FOXP2: variants seen among roughly 807,000 people sequenced by gnomAD.
FOXP2 encodes the protein forkhead box protein P2.
In FOXP2, 12 loss-of-function variants were observed where a neutral mutation model predicts 115.8. The observed-to-expected ratio is 0.10, with a 90% confidence interval of 0.07 to 0.17. The LOEUF (loss-of-function observed/expected upper bound fraction) is 0.17. Among genes scored for constraint, FOXP2 ranks in the 10% least tolerant of loss-of-function variants. FOXP2 has a pLI of 1.00. For missense variants in FOXP2, 629 were observed against 843.5 expected, an observed-to-expected ratio of 0.75 and a Z score of 3.15; for synonymous variants, 328 against 297.7, an observed-to-expected ratio of 1.10 and a Z score of -1.05.
intron 1 of FOXP2, among the ~76,000 whole-genome samples, chr7:114,251,775 C>CCTTT (rs1795452032): frequency 6.6e-6 from 1 of 152,148 alleles, no homozygotes; most frequent in Non-Finnish European, 1.5e-5. Context: ...AATTGAATAT[C>CCTTT]CTTTCTTTCT....
chr7:114,265,896 G>GA (rs1795881870), intron 1 of FOXP2, among the ~76,000 whole-genome samples: 1 of 152,118 alleles, frequency 6.6e-6, no homozygotes, highest in South Asian at 2.1e-4. Context: ...TGGAGCTTGA[G>GA]TGGCCTGGTT....
At chr7:114,648,068 A>G (rs1806018955) in intron 8 of FOXP2, among the ~76,000 whole-genome samples, 1 of 152,082 alleles carries the variant, frequency 6.6e-6, no homozygotes, top group African/African-American at 2.4e-5. Flanking sequence ...AGAGCAATAG[A>G]AAACAGTGGA....
intron 2 of FOXP2, among the ~76,000 whole-genome samples, chr7:114,445,696 T>C (rs1246197739): frequency 2.0e-5 from 3 of 152,144 alleles, no homozygotes; most frequent in Admixed American, 6.6e-5. Flanking sequence ...GAAAACAATA[T>C]ACACAGTTTC....
chr7:114,542,533 A>G (rs565982561), intron 3 of FOXP2, among the ~76,000 whole-genome samples: 38 of 152,212 alleles, frequency 2.5e-4, no homozygotes, highest in Non-Finnish European at 3.8e-4. Context: ...TATGACATTT[A>G]TAGTGGCTTT....
intron 1 of FOXP2, among the ~76,000 whole-genome samples, chr7:114,147,172 T>C (rs1443179839): frequency 2.6e-5 from 4 of 152,316 alleles, no homozygotes; most frequent in African/African-American, 9.6e-5. Flanking sequence ...ATTTAATTCA[T>C]TTTACATATA....
At chr7:114,516,049 GA>G (rs1195674873) in intron 2 of FOXP2, among the ~76,000 whole-genome samples, 12 of 152,000 alleles carry the variant, frequency 7.9e-5, no homozygotes, top group Admixed American at 2.0e-4. Flanking sequence ...CACAGAATTG[GA>G]AAAAACTACT....
intron 8 of FOXP2, among the ~76,000 whole-genome samples, chr7:114,649,649 A>T (rs551942587): frequency 4.5e-4 from 68 of 152,216 alleles, no homozygotes; most frequent in Middle Eastern, 3.4e-3. Context: ...CATTGTATTT[A>T]TATCTGACAC....
At chr7:114,260,080 CAG>C (rs1795711129) in intron 1 of FOXP2, among the ~76,000 whole-genome samples, 1 of 151,894 alleles carries the variant, frequency 6.6e-6, no homozygotes, top group Non-Finnish European at 1.5e-5. Flanking sequence ...TTAGTAAAGA[CAG>C]AGTTTCATCA....
chr7:114,219,828 T>A lies in FOXP2; in HGVS notation c.-102+56740T>A, dbSNP rs147690603. On this transcript the variant is annotated intron_variant, in intron 1 of 17. Coordinates refer to the FOXP2 transcript ENST00000634411. ...CATAGCTAGCACGAGGTTTCTGTTT[T>A]CATAATTCTGTGAGGGTTTTTTTTT... Among the ~76,000 whole-genome samples the A allele has an allele frequency of 1.2e-3, 190 of 152,174 alleles. 2 individuals carry two copies. The highest frequency in any genetic ancestry group is 4.3e-3 in the African/African-American group (178 of 41,548).
chr7:114,310,656 TTTGTTG>T (rs370289479), intron 2 of FOXP2, among the ~76,000 whole-genome samples: 5 of 151,708 alleles, frequency 3.3e-5, no homozygotes, highest in African/African-American at 1.2e-4. Context: ...AGATTCTGTG[TTTGTTG>T]TTGTTGTTGT....
chr7:114,299,012 T>A (rs1796815712), intron 2 of FOXP2, among the ~76,000 whole-genome samples: 1 of 152,182 alleles, frequency 6.6e-6, no homozygotes, highest in South Asian at 2.1e-4. Context: ...AAAGGGATTG[T>A]TTCATATACT....
intron 3 of FOXP2, among the ~76,000 whole-genome samples, chr7:114,590,230 A>G (rs560487755): frequency 6.6e-6 from 1 of 152,294 alleles, no homozygotes; most frequent in South Asian, 2.1e-4. Flanking sequence ...CCTATCAAAG[A>G]CAGTTTGAGT....
intron 8 of FOXP2, among the ~76,000 whole-genome samples, chr7:114,646,551 G>A (rs1280653961): frequency 6.6e-6 from 1 of 151,940 alleles, no homozygotes; most frequent in Non-Finnish European, 1.5e-5. Context: ...TCCAAAGACT[G>A]ACCATTTTTC....
intron 1 of FOXP2, among the ~76,000 whole-genome samples, chr7:114,103,533 G>T (rs1791039491): frequency 1.3e-5 from 2 of 151,960 alleles, no homozygotes; most frequent in Admixed American, 6.6e-5. Context: ...CACAATTTCA[G>T]CTGGGGGAAA....
At chr7:114,391,448 G>A (rs1792597711) in intron 2 of FOXP2, among the ~76,000 whole-genome samples, 1 of 152,142 alleles carries the variant, frequency 6.6e-6, no homozygotes, top group Admixed American at 6.5e-5. Flanking sequence ...GAAACTTAAG[G>A]AGCTTTGTGA....
In FOXP2 at chr7:114,258,923, G is replaced by C. The variant is rs552654037; in HGVS notation, c.-101-29096G>C. On this transcript the variant is annotated intron_variant, in intron 1 of 17. Coordinates refer to the FOXP2 transcript ENST00000634411. The stretch of plus-strand genomic sequence containing the variant: ...TAAACTATTAATAGTTTAGCATCTC[G>C]ATTTCCTATGGGGATGTGGTTTCCA... Among the ~76,000 whole-genome samples, 6 of 152,248 alleles carry C rather than the reference G, an allele frequency of 3.9e-5. No homozygotes were observed. The South Asian group carries it at 1.2e-3, about 32-fold the overall frequency.
intron 1 of FOXP2, among the ~76,000 whole-genome samples, chr7:114,190,273 A>G (rs1793722818): frequency 6.6e-6 from 1 of 152,086 alleles, no homozygotes; most frequent in African/African-American, 2.4e-5. Context: ...TAATATGTAG[A>G]GGTAGTAGTC....
chr7:114,340,663 A>G (rs1211792600), intron 2 of FOXP2, among the ~76,000 whole-genome samples: 2 of 151,114 alleles, frequency 1.3e-5, no homozygotes, highest in African/African-American at 4.8e-5. Context: ...AGTCAGTAGC[A>G]TTTGTCGATA....
At chr7:114,621,049 C>T (rs1278369963) in intron 3 of FOXP2, among the ~76,000 whole-genome samples, 8 of 151,902 alleles carry the variant, frequency 5.3e-5, no homozygotes, top group Admixed American at 5.3e-4. Context: ...TGTTTATTAA[C>T]TACAGCTAAA....
Sources: allele counts gnomAD v4.1 joint callset (sites outside exome capture counted in the v4.1 genomes callset), GRCh38; gene constraint gnomAD v4.1.1; transcripts MANE v1.5; gene names NCBI Gene and HGNC (gene_info 2026-07-23, HGNC 2026-07-21).